Variants in EML5 observed in about 807,000 individuals in gnomAD.
EML5 encodes the protein EMAP like 5.
Under a neutral mutation model 250.0 loss-of-function variants are expected in EML5, and 120 were observed. That is an observed-to-expected ratio of 0.48 (90% confidence interval 0.41 to 0.56). The LOEUF (loss-of-function observed/expected upper bound fraction) is 0.56, where lower values mean the gene tolerates loss of function less well. EML5 is among the 20% of genes least tolerant of loss of function. The pLI is 0.00. For synonymous variants in EML5, 771 were observed against 806.5 expected, an observed-to-expected ratio of 0.96 and a Z score of 0.75; for missense variants, 2,006 against 2,437.6, an observed-to-expected ratio of 0.82 and a Z score of 3.73.
Position 88,677,408 on chromosome 14 carries a change from T to A in EML5, c.3124+4482A>T, listed in dbSNP as rs1008065797. Among the ~76,000 whole-genome samples the A allele has an allele frequency of 5.3e-5, 8 of 152,176 alleles. 1 individual carries two copies. Among genetic ancestry groups the A allele is most frequent in the Admixed American group, 6.5e-5 (1 of 15,268 alleles). ...ACAGGTACAGGCAAAGATTCAATTA[T>A]GAAAATGTCAAAAGCAATTGCAAAA... On this transcript the variant is annotated intron_variant, in intron 21 of 43. Coordinates refer to ENST00000554922, the MANE Select transcript of EML5 (RefSeq NM_183387.3).
At chr14:88,752,685 C>T (rs1223223110) in intron 2 of EML5, among the ~76,000 whole-genome samples, 1 of 152,144 alleles carries the variant, frequency 6.6e-6, no homozygotes, top group Non-Finnish European at 1.5e-5. Flanking sequence ...GGACCCCTGG[C>T]CCTCAATGAG....
chr14:88,625,757 A>C (rs1438324279), intron 35 of EML5: 1 of 152,226 alleles, frequency 6.6e-6, no homozygotes, highest in African/African-American at 2.4e-5. Flanking sequence ...TGTTCAACTG[A>C]AATTTGACAT....
intron 1 of EML5, among the ~76,000 whole-genome samples, chr14:88,755,841 T>A (rs1228726477): frequency 2.0e-5 from 3 of 151,904 alleles, no homozygotes; most frequent in African/African-American, 7.3e-5. Flanking sequence ...AAAAAAAAAT[T>A]TTTTTTAATG....
At chr14:88,717,546 C>G (rs367746746) in intron 8 of EML5, among the ~76,000 whole-genome samples, 13 of 152,008 alleles carry the variant, frequency 8.6e-5, no homozygotes, top group African/African-American at 3.1e-4. Context: ...ATCACAAGAT[C>G]AGAGAGAGAC....
chr14:88,792,399 C>T lies in EML5; in HGVS notation c.105G>A (p.Glu35=), dbSNP rs1369527429. 6.4e-7 allele frequency: 1 copy of T among 1,568,964 alleles called. No homozygotes were observed. Among genetic ancestry groups the T allele is most frequent in the Non-Finnish European group, 8.6e-7 (1 of 1,159,046 alleles). ...RNNLYYTAAK[E]IVYFVAGVGV... ...CGACCCCCGCCACGAAGTATACGAT[C>T]TCCTTGGCCGCAGTGTAGTAGAGGT... is the stretch of plus-strand genomic sequence containing the variant. The change falls in exon 1 of 44, where the codon GAG becomes GAA. Residue 35 remains glutamate (E), a synonymous_variant. Coordinates refer to ENST00000554922, the MANE Select transcript of EML5 (RefSeq NM_183387.3). This position sits in a 1 kb window ranked among gnomAD's most constrained non-coding sequence, Gnocchi z 6.9.
intron 12 of EML5, 82 bp downstream of exon 12, chr14:88,705,400 A>G: frequency 2.0e-6 from 2 of 1,012,878 alleles, no homozygotes; most frequent in South Asian, 1.4e-5. Flanking sequence ...GCCACAAAAG[A>G]TAACAACAGA....
At chr14:88,621,798 CAT>C in intron 37 of EML5, 1 of 369,434 alleles carries the variant, frequency 2.7e-6, no homozygotes, top group Non-Finnish European at 5.4e-6. Context: ...GAAATTGACA[CAT>C]AATTATACAT....
At chr14:88,646,807 A>G in intron 29 of EML5, 140 bp downstream of exon 29, 1 of 715,900 alleles carries the variant, frequency 1.4e-6, no homozygotes, top group Non-Finnish European at 2.2e-6. Flanking sequence ...TTTCAGTGAT[A>G]CCAATTCCAA....
At chr14:88,738,816 A>T in intron 6 of EML5, 63 bp downstream of exon 6, 1 of 1,496,756 alleles carries the variant, frequency 6.7e-7, no homozygotes. Flanking sequence ...TCACTGAAAG[A>T]AAGAGATAAT....
At position 88,739,003 on chromosome 14, in the gene EML5, A is replaced by T. The variant is rs766336289; in HGVS notation, c.723T>A (p.Phe241Leu). ...TIQGAHAAGIFSMNACEEGFA... is the reference protein window; with the variant it reads ...TIQGAHAAGILSMNACEEGFA... ...AGCCTTCTTCACAAGCATTCATGCT[A>T]AAAATTCCTGCCTAGAAGAGGAAAT... The change falls in exon 6 of 44, where the codon TTT becomes TTA. Residue 241 changes from phenylalanine (F) to leucine (L), a missense_variant. Phe to Leu is a conservative substitution (Grantham distance 22, BLOSUM62 0). Coordinates refer to ENST00000554922, the MANE Select transcript of EML5 (RefSeq NM_183387.3). 1.9e-6 allele frequency: 3 copies of T among 1,604,502 alleles called. No individual in the cohort carries two copies. In the South Asian group the frequency reaches 3.4e-5, roughly 18 times the overall value.
chr14:88,737,224 C>T (rs1005603921), intron 6 of EML5, among the ~76,000 whole-genome samples: 4 of 152,184 alleles, frequency 2.6e-5, no homozygotes, highest in African/African-American at 9.6e-5. Context: ...GCACCACATG[C>T]CCCCATTTAT....
At chr14:88,741,977 C>T (rs1490336324) in intron 4 of EML5, among the ~76,000 whole-genome samples, 1 of 152,008 alleles carries the variant, frequency 6.6e-6, no homozygotes, top group Non-Finnish European at 1.5e-5. Flanking sequence ...AATTTGTGTA[C>T]ATAAGTGGCT....
intron 21 of EML5, among the ~76,000 whole-genome samples, chr14:88,675,768 A>G (rs2092581319): frequency 6.6e-6 from 1 of 152,132 alleles, no homozygotes; most frequent in Non-Finnish European, 1.5e-5. Flanking sequence ...CCCTTTAAAA[A>G]CTGAATACTT....
At chr14:88,616,308 GAACTAT>G in intron 42 of EML5, 66 bp from the exon 43 acceptor site, 1 of 1,440,258 alleles carries the variant, frequency 6.9e-7, no homozygotes, top group Non-Finnish European at 9.8e-7. Flanking sequence ...CTCTTATTAG[GAACTAT>G]AATCTCTATG....
intron 21 of EML5, among the ~76,000 whole-genome samples, chr14:88,675,122 G>T (rs1158335444): frequency 6.6e-6 from 1 of 152,208 alleles, no homozygotes; most frequent in Middle Eastern, 3.2e-3. Flanking sequence ...GCTGTCAGTT[G>T]TTCTACCATT....
At chr14:88,780,432 C>T (rs1321455491) in intron 1 of EML5, among the ~76,000 whole-genome samples, 1 of 152,106 alleles carries the variant, frequency 6.6e-6, no homozygotes, top group Non-Finnish European at 1.5e-5. Context: ...ACAAAGGACA[C>T]TTTATCAGTC....
chr14:88,752,485 G>C (rs1362286551), intron 2 of EML5, among the ~76,000 whole-genome samples: 8 of 152,262 alleles, frequency 5.3e-5, no homozygotes, highest in African/African-American at 1.7e-4. Flanking sequence ...AATTAAGTTT[G>C]TGCAATTGCC....
intron 27 of EML5, among the ~76,000 whole-genome samples, chr14:88,653,277 T>C (rs997558719): frequency 6.6e-6 from 1 of 152,246 alleles, no homozygotes; most frequent in African/African-American, 2.4e-5. Flanking sequence ...CCTATTTGAA[T>C]ACCATTTATT....
intron 1 of EML5, among the ~76,000 whole-genome samples, chr14:88,778,317 G>A (rs1380382108): frequency 6.6e-6 from 1 of 152,184 alleles, no homozygotes; most frequent in African/African-American, 2.4e-5. Context: ...GTTTAATATT[G>A]TATGGATTCC....
Sources: gnomAD v4.1 joint callset for allele counts (sites outside exome capture counted in the v4.1 genomes callset) on GRCh38, gnomAD v4.1.1 for gene constraint, Gnocchi (gnomAD v3.1) non-coding constraint, MANE v1.5 for transcripts, NCBI Gene and HGNC (gene_info 2026-07-23, HGNC 2026-07-21) for gene names.